MSRA: variants seen among roughly 807,000 people sequenced by gnomAD.
MSRA encodes mitochondrial peptide methionine sulfoxide reductase.
A neutral mutation model predicts 31.3 loss-of-function variants in MSRA; 54 were observed. That is an observed-to-expected ratio of 1.73 (90% CI 1.39 to 2.17). The LOEUF (loss-of-function observed/expected upper bound fraction) is 2.17, where lower values mean the gene tolerates loss of function less well. MSRA is among the 30% of genes most tolerant of loss of function. The probability of loss-of-function intolerance (pLI) is 0.00; values close to 1 mark genes in which losing one functional copy is unlikely to be tolerated. For missense variants in MSRA, 507 were observed against 300.9 expected (o/e 1.69, Z -5.07); for synonymous variants, 169 against 116.5 (o/e 1.45, Z -2.90).
At chr8:10,303,456 G>A (rs1184014106) in intron 4 of MSRA, among the ~76,000 whole-genome samples, 1 of 152,202 alleles carries the variant, frequency 6.6e-6, no homozygotes, top group Non-Finnish European at 1.5e-5. Context: ...CTCTGTGTTT[G>A]TAATGGTGGC....
intron 1 of MSRA, among the ~76,000 whole-genome samples, chr8:10,199,395 C>T (rs1808294971): frequency 6.6e-6 from 1 of 152,174 alleles, no homozygotes; most frequent in Non-Finnish European, 1.5e-5. Context: ...TCTTGGCCCA[C>T]TGCAACCTGC....
Position 10,297,021 on chromosome 8 carries a change from G to A in MSRA, c.332-4513G>A, listed in dbSNP as rs558997305. On this transcript the variant is annotated intron_variant, in intron 3 of 5. Coordinates refer to ENST00000317173, the MANE Select transcript of MSRA (RefSeq NM_012331.5). ...ATCCTAACCTGGAAGAATCAAAGGT[G>A]ACATTTTCTCCACGGATAGGAAGCT... Among the ~76,000 whole-genome samples the A allele has an allele frequency of 5.3e-5, 8 of 152,262 alleles. No homozygotes were observed. The South Asian group carries it at 1.7e-3, about 32-fold the overall frequency.
chr8:10,297,271 G>C (rs1008177925), intron 3 of MSRA, among the ~76,000 whole-genome samples: 1 of 152,088 alleles, frequency 6.6e-6, no homozygotes, highest in African/African-American at 2.4e-5. Flanking sequence ...CTTCCTCTGG[G>C]GCTGTGGGGT....
intron 1 of MSRA, among the ~76,000 whole-genome samples, chr8:10,164,146 CT>C (rs771337072): frequency 3.9e-5 from 6 of 152,326 alleles, no homozygotes; most frequent in Non-Finnish European, 8.8e-5. Flanking sequence ...CAGAATACTA[CT>C]TTTAACTGGA....
chr8:10,362,461 CA>C (rs11388593), intron 5 of MSRA, among the ~76,000 whole-genome samples: 3,150 of 76,714 alleles, frequency 0.041, 117 homozygotes, highest in African/African-American at 0.13. Context: ...ATACCATAAG[CA>C]AAAAAAAAAA....
At chr8:10,204,101 T>G (rs1808737339) in intron 1 of MSRA, among the ~76,000 whole-genome samples, 1 of 152,088 alleles carries the variant, frequency 6.6e-6, no homozygotes, top group Non-Finnish European at 1.5e-5. Flanking sequence ...GAAGAGCTTA[T>G]AGAATAAATA....
intron 1 of MSRA, chr8:10,095,434 T>C: frequency 5.1e-6 from 5 of 981,858 alleles, no homozygotes; most frequent in Non-Finnish European, 6.0e-6. Context: ...GGTTTCCTGT[T>C]TTCAAATGTA....
chr8:10,169,297 G>T (rs1805404695), intron 1 of MSRA, among the ~76,000 whole-genome samples: 2 of 152,214 alleles, frequency 1.3e-5, no homozygotes, highest in South Asian at 2.1e-4. Flanking sequence ...CATGAAGAAA[G>T]CACAATACTT....
chr8:10,073,027 C>T (rs192632514), intron 1 of MSRA, among the ~76,000 whole-genome samples: 1 of 152,104 alleles, frequency 6.6e-6, no homozygotes, highest in African/African-American at 2.4e-5. Context: ...ATAGATAACC[C>T]TATCACCTGG....
intron 2 of MSRA, among the ~76,000 whole-genome samples, chr8:10,221,921 C>T (rs1028085383): frequency 3.9e-5 from 6 of 151,960 alleles, no homozygotes; most frequent in African/African-American, 1.5e-4. Context: ...GTGTGGCTGG[C>T]GTGTAATCAG....
intron 5 of MSRA, among the ~76,000 whole-genome samples, chr8:10,326,887 G>C (rs1389764376): frequency 6.6e-6 from 1 of 152,102 alleles, no homozygotes; most frequent in Admixed American, 6.6e-5. Context: ...GGTGGTTCAC[G>C]TGTAATTCTT....
At chr8:10,057,917 A>G (rs758788141) in intron 1 of MSRA, among the ~76,000 whole-genome samples, 3 of 152,216 alleles carry the variant, frequency 2.0e-5, no homozygotes, top group Non-Finnish European at 2.9e-5. Flanking sequence ...AGACTAACAC[A>G]AAGGCCGTCT....
intron 5 of MSRA, among the ~76,000 whole-genome samples, chr8:10,380,956 G>A (rs1395678456): frequency 3.3e-5 from 5 of 152,054 alleles, no homozygotes; most frequent in African/African-American, 1.2e-4. Context: ...GGCATGGATA[G>A]ATGGACGGAT....
intron 5 of MSRA, among the ~76,000 whole-genome samples, chr8:10,426,570 G>C (rs966299426): frequency 5.3e-5 from 8 of 152,240 alleles, no homozygotes; most frequent in Admixed American, 1.3e-4. Flanking sequence ...AATTTCGTGT[G>C]AGTTTCTCTG....
At chr8:10,317,414 T>C (rs1327042340) in intron 4 of MSRA, among the ~76,000 whole-genome samples, 1 of 152,228 alleles carries the variant, frequency 6.6e-6, no homozygotes, top group Non-Finnish European at 1.5e-5. Flanking sequence ...TCATTATAGA[T>C]GAAGCGTTTC....
At chr8:10,312,362 A>C (rs544512056) in intron 4 of MSRA, among the ~76,000 whole-genome samples, 58 of 152,266 alleles carry the variant, frequency 3.8e-4, no homozygotes, top group Admixed American at 9.8e-4. Context: ...TACAGAAACC[A>C]GGAAGATATG....
chr8:10,317,902 T>G (rs1006022697), intron 4 of MSRA, among the ~76,000 whole-genome samples: 2 of 152,114 alleles, frequency 1.3e-5, no homozygotes, highest in African/African-American at 2.4e-5. Flanking sequence ...TCCACGCATC[T>G]CTGGTCCCCA....
At chr8:10,410,567 C>T (rs963950158) in intron 5 of MSRA, among the ~76,000 whole-genome samples, 3 of 152,204 alleles carry the variant, frequency 2.0e-5, no homozygotes, top group African/African-American at 7.2e-5. Context: ...AGGTAGATAT[C>T]TTATCCCCCT....
intron 3 of MSRA, among the ~76,000 whole-genome samples, chr8:10,265,526 G>A (rs763182530): frequency 6.6e-6 from 1 of 152,192 alleles, no homozygotes; most frequent in African/African-American, 2.4e-5. Context: ...GCATTGTCAG[G>A]CAGCTAGCCC....
Sources: allele counts gnomAD v4.1 joint callset (sites outside exome capture counted in the v4.1 genomes callset), GRCh38; gene constraint gnomAD v4.1.1; transcripts MANE v1.5; gene names NCBI Gene and HGNC (gene_info 2026-07-23, HGNC 2026-07-21).